Variants in GPC5 observed in about 807,000 individuals in gnomAD.
GPC5 encodes the protein glypican-5.
Under a neutral mutation model 53.9 loss-of-function variants are expected in GPC5, and 47 were observed. The ratio of observed to expected loss-of-function variants is 0.87; its 90% CI spans 0.69 to 1.11. GPC5 has a LOEUF of 1.11. GPC5 is among the 50% of genes most tolerant of loss of function. The probability of loss-of-function intolerance (pLI) is 0.00; values close to 1 mark genes in which losing one functional copy is unlikely to be tolerated. For synonymous variants in GPC5, 286 were observed against 263.3 expected (o/e 1.09, Z -0.84); for missense variants, 748 against 713.1 (o/e 1.05, Z -0.56).
chr13:92,767,242 AGGT>A (rs1395175385), intron 7 of GPC5, among the ~76,000 whole-genome samples: 1 of 152,132 alleles, frequency 6.6e-6, no homozygotes, highest in Non-Finnish European at 1.5e-5. Context: ...GAGGCCAAGC[AGGT>A]GGATCACTTG....
chr13:92,553,220 T>A (rs985803669), intron 7 of GPC5, among the ~76,000 whole-genome samples: 1 of 152,022 alleles, frequency 6.6e-6, no homozygotes, highest in Non-Finnish European at 1.5e-5. Context: ...TAGATAATAC[T>A]GACTTCAACC....
chr13:92,396,910 A>G (rs1214445449), intron 7 of GPC5, among the ~76,000 whole-genome samples: 1 of 152,196 alleles, frequency 6.6e-6, no homozygotes, highest in Non-Finnish European at 1.5e-5. Flanking sequence ...AAAGGCTCTA[A>G]TAAAGTCTTT....
At chr13:92,127,929 T>C (rs1323268847) in intron 6 of GPC5, among the ~76,000 whole-genome samples, 1 of 152,200 alleles carries the variant, frequency 6.6e-6, no homozygotes, top group Non-Finnish European at 1.5e-5. Flanking sequence ...TTGGGTTGAT[T>C]TGAGTCAACA....
rs556796701 is a variant in GPC5, at chr13:92,641,560, A to C, written c.1562-224722A>C. ...AAATTTCTTGAATTTTATTATCTTC[A>C]GATGCTTATTTGAGGATATTTAATT... On this transcript the variant is annotated intron_variant, in intron 7 of 7. Coordinates refer to ENST00000377067, the MANE Select transcript of GPC5 (RefSeq NM_004466.6). 8.5e-5 allele frequency among the ~76,000 whole-genome samples: 13 copies of C among 152,326 alleles called. No homozygotes were observed. In the South Asian group the frequency reaches 2.7e-3, roughly 32 times the overall value.
rs9523411 is a variant in GPC5, at chr13:91,774,010, G to T, written c.1280+17590G>T. ...TGGGATTCCTAATTAGCAATTTCCT[G>T]TTCATTTTACTTGCAAATGCATTGC... is the stretch of plus-strand genomic sequence containing the variant. On this transcript the variant is annotated intron_variant, in intron 5 of 7. Transcript: ENST00000377067. Among the ~76,000 whole-genome samples, 753 of 152,208 alleles carry T rather than the reference G, an allele frequency of 4.9e-3. 2 individuals carry two copies. The highest frequency in any genetic ancestry group is 8.2e-3 in the Non-Finnish European group (559 of 68,006).
rs545676895 is a variant in GPC5, at chr13:92,319,307, G to A, written c.1561+174318G>A. Among the ~76,000 whole-genome samples the A allele has an allele frequency of 4.0e-5, 6 of 150,836 alleles. No individual in the cohort carries two copies. In the East Asian group the frequency reaches 9.7e-4, roughly 25 times the overall value. ...TATACATGTATTTTACATTGCCTAA[G>A]GTAGAACACTCCTATAAAAACATCA... is the stretch of plus-strand genomic sequence containing the variant. On this transcript the variant is annotated intron_variant, in intron 7 of 7. Transcript: ENST00000377067.
intron 5 of GPC5, among the ~76,000 whole-genome samples, chr13:91,902,622 T>C (rs2039509049): frequency 6.6e-6 from 1 of 151,984 alleles, no homozygotes; most frequent in Non-Finnish European, 1.5e-5. Flanking sequence ...GTCAAGAGAC[T>C]TCTGTAGGGA....
chr13:92,316,833 T>C (rs1348254320), intron 7 of GPC5, among the ~76,000 whole-genome samples: 1 of 152,116 alleles, frequency 6.6e-6, no homozygotes. Flanking sequence ...TTTATGTTTT[T>C]TGTTGCAAGT....
intron 7 of GPC5, among the ~76,000 whole-genome samples, chr13:92,657,293 T>A (rs1886168490): frequency 6.6e-6 from 1 of 152,112 alleles, no homozygotes; most frequent in African/African-American, 2.4e-5. Flanking sequence ...AAATACTAAG[T>A]AAATAAATAG....
intron 5 of GPC5, among the ~76,000 whole-genome samples, chr13:91,809,267 A>G (rs1360247192): frequency 6.6e-6 from 1 of 152,136 alleles, no homozygotes; most frequent in African/African-American, 2.4e-5. Flanking sequence ...AGTTATTTTA[A>G]CCACTACTGA....
chr13:92,689,437 T>C (rs1188864420), intron 7 of GPC5, among the ~76,000 whole-genome samples: 3 of 66,422 alleles, frequency 4.5e-5, no homozygotes, highest in Non-Finnish European at 6.4e-5. Context: ...TCCTCCATCC[T>C]TTTATTTTGA....
intron 7 of GPC5, among the ~76,000 whole-genome samples, chr13:92,629,191 A>C (rs1468740373): frequency 1.3e-5 from 2 of 152,200 alleles, no homozygotes; most frequent in Non-Finnish European, 2.9e-5. Flanking sequence ...TACCTCACTT[A>C]GTTTTAGAAA....
At position 92,347,924 on chromosome 13, in the gene GPC5, T is replaced by TATACATATAAGATGTATATAATA. The variant is rs1491168569; in HGVS notation, c.1561+202935_1561+202936insATACATATAAGATGTATATAATA. 1.4e-3 allele frequency among the ~76,000 whole-genome samples: 5 copies of TATACATATAAGATGTATATAATA among 3,702 alleles called. 2 individuals carry two copies. The highest frequency in any genetic ancestry group is 0.011 in the African/African-American group (5 of 476). 2.4% of individuals were successfully genotyped at this position (3,702 alleles called of 152,430 possible). A position where few individuals can be genotyped will look rare whatever the true frequency, so the allele number is the denominator to read the frequency against. ...ATAATATATATATAATATATATATA[T>TATACATATAAGATGTATATAATA]TATATATACATCTTATATGTAAACC... On this transcript the variant is annotated intron_variant, in intron 7 of 7. Coordinates refer to ENST00000377067, the MANE Select transcript of GPC5 (RefSeq NM_004466.6).
intron 6 of GPC5, among the ~76,000 whole-genome samples, chr13:92,008,217 C>T (rs1053761537): frequency 3.4e-4 from 51 of 151,982 alleles, no homozygotes; most frequent in African/African-American, 1.0e-3. Flanking sequence ...CGCCCGCTAC[C>T]ACGCCCGGCT....
chr13:92,569,326 A>C (rs1401529449), intron 7 of GPC5, among the ~76,000 whole-genome samples: 1 of 151,966 alleles, frequency 6.6e-6, no homozygotes, highest in Non-Finnish European at 1.5e-5. Flanking sequence ...GCAAAGGAGG[A>C]AATTTAGGCT....
intron 6 of GPC5, among the ~76,000 whole-genome samples, chr13:91,992,229 C>T (rs1156710509): frequency 1.3e-5 from 2 of 151,774 alleles, no homozygotes; most frequent in African/African-American, 2.4e-5. Context: ...GAGAGGATCT[C>T]GCTCTATTGC....
chr13:91,594,911 C>G (rs111282372), intron 2 of GPC5, among the ~76,000 whole-genome samples: 12 of 152,144 alleles, frequency 7.9e-5, no homozygotes, highest in African/African-American at 2.9e-4. Context: ...CTCAAGCAGT[C>G]TTTCCATCTT....
intron 7 of GPC5, among the ~76,000 whole-genome samples, chr13:92,411,069 T>A (rs1876020350): frequency 6.6e-6 from 1 of 151,912 alleles, no homozygotes; most frequent in Non-Finnish European, 1.5e-5. Context: ...AAACCCTGTC[T>A]CTCCAAAACA....
At chr13:92,710,470 T>C (rs981725059) in intron 7 of GPC5, among the ~76,000 whole-genome samples, 2 of 152,208 alleles carry the variant, frequency 1.3e-5, no homozygotes, top group African/African-American at 4.8e-5. Context: ...TTGTGTACAG[T>C]TTTAAATGTA....
Sources: allele counts gnomAD v4.1 joint callset (sites outside exome capture counted in the v4.1 genomes callset), GRCh38; gene constraint gnomAD v4.1.1; transcripts MANE v1.5; gene names NCBI Gene and HGNC (gene_info 2026-07-23, HGNC 2026-07-21).